Variants in CCDC148 observed in about 807,000 individuals in gnomAD.
The protein encoded by CCDC148 is coiled-coil domain-containing protein 148.
Under a neutral mutation model 85.7 loss-of-function variants are expected in CCDC148, and 89 were observed. The ratio of observed to expected loss-of-function variants is 1.04; its 90% CI spans 0.87 to 1.24. The LOEUF is 1.24. Among genes scored for constraint, CCDC148 ranks in the 50% most tolerant of loss-of-function variants. CCDC148 has a pLI of 0.00. For synonymous variants in CCDC148, 230 were observed against 213.9 expected (o/e 1.08, Z -0.66); for missense variants, 692 against 671.7 (o/e 1.03, Z -0.33).
intron 1 of CCDC148, among the ~76,000 whole-genome samples, chr2:158,367,558 C>A (rs13006365): frequency 0.033 from 4,977 of 152,214 alleles, 120 homozygotes; most frequent in Non-Finnish European, 0.05. Context: ...ATTTTTTCCT[C>A]CTGGTTTTCA....
chr2:158,341,249 T>C (rs1179824499), intron 3 of CCDC148, among the ~76,000 whole-genome samples: 3 of 151,986 alleles, frequency 2.0e-5, no homozygotes, highest in Admixed American at 2.0e-4. Flanking sequence ...TGTATGTATA[T>C]ACTAATAAGA....
intron 10 of CCDC148, among the ~76,000 whole-genome samples, chr2:158,245,754 C>T (rs1688545785): frequency 6.6e-6 from 1 of 152,094 alleles, no homozygotes; most frequent in Admixed American, 6.6e-5. Flanking sequence ...TATATAAGGT[C>T]CATCTAGCAA....
At chr2:158,200,533 GC>G (rs371470310) in intron 11 of CCDC148, among the ~76,000 whole-genome samples, 7 of 152,268 alleles carry the variant, frequency 4.6e-5, no homozygotes, top group African/African-American at 1.7e-4. Context: ...AGACAGGATG[GC>G]CCACGCAGCC....
intron 2 of CCDC148, among the ~76,000 whole-genome samples, chr2:158,350,944 T>G (rs1683235064): frequency 6.6e-6 from 1 of 152,134 alleles, no homozygotes; most frequent in Non-Finnish European, 1.5e-5. Flanking sequence ...ACCTCACTGT[T>G]ACTCATCCTC....
intron 1 of CCDC148, among the ~76,000 whole-genome samples, chr2:158,370,892 A>T (rs1559105105): frequency 6.6e-6 from 1 of 151,586 alleles, no homozygotes; most frequent in Non-Finnish European, 1.5e-5. Flanking sequence ...ATTACGGGAA[A>T]TTAAAAAAAA....
intron 11 of CCDC148, among the ~76,000 whole-genome samples, chr2:158,215,308 A>G (rs1002030596): frequency 1.3e-5 from 2 of 152,174 alleles, no homozygotes; most frequent in Non-Finnish European, 2.9e-5. Context: ...AATATATACT[A>G]TTTTAAAAGA....
intron 9 of CCDC148, among the ~76,000 whole-genome samples, chr2:158,283,217 G>A (rs1177065979): frequency 1.3e-5 from 2 of 152,186 alleles, no homozygotes; most frequent in Non-Finnish European, 2.9e-5. Context: ...ACACAGGCAT[G>A]GGCAAGGACT....
intron 1 of CCDC148, among the ~76,000 whole-genome samples, chr2:158,370,219 C>T (rs927974738): frequency 6.6e-6 from 1 of 152,026 alleles, no homozygotes; most frequent in Admixed American, 6.6e-5. Flanking sequence ...ATGCAGCAAA[C>T]CATACGTGCA....
At chr2:158,185,551 C>T (rs556928143) in intron 11 of CCDC148, among the ~76,000 whole-genome samples, 1 of 152,182 alleles carries the variant, frequency 6.6e-6, no homozygotes, top group East Asian at 1.9e-4. Flanking sequence ...TCTAAGCCTG[C>T]TGTTTGAGTT....
intron 9 of CCDC148, among the ~76,000 whole-genome samples, chr2:158,279,568 T>G (rs1407862027): frequency 2.6e-5 from 4 of 151,934 alleles, no homozygotes; most frequent in East Asian, 1.9e-4. Flanking sequence ...AGAAGGTAAG[T>G]TTAGAGAAAA....
chr2:158,436,793 A>G (rs1370591249), intron 1 of CCDC148, among the ~76,000 whole-genome samples: 2 of 152,186 alleles, frequency 1.3e-5, no homozygotes, highest in Non-Finnish European at 2.9e-5. Flanking sequence ...GATAAAGGGG[A>G]TATCACCACT....
At chr2:158,307,648 G>A (rs571042353) in intron 9 of CCDC148, among the ~76,000 whole-genome samples, 14 of 152,132 alleles carry the variant, frequency 9.2e-5, no homozygotes, top group East Asian at 1.9e-4. Context: ...ACCTGAAAAC[G>A]GCTCAAATTT....
Position 158,310,501 on chromosome 2 carries a change from G to A in CCDC148, c.904-862C>T, listed in dbSNP as rs543023440. On this transcript the variant is annotated intron_variant, in intron 8 of 13. Coordinates refer to ENST00000283233, the MANE Select transcript of CCDC148 (RefSeq NM_138803.4). ...TCCTCACTTCCCAGACGTGACGGCT[G>A]GGCAGAGGGGCCCCCCACCCCCCAG... Among the ~76,000 whole-genome samples the A allele has an allele frequency of 2.1e-4, 32 of 151,000 alleles. No homozygotes were observed. In the South Asian group the frequency reaches 6.4e-3, roughly 30 times the overall value.
chr2:158,270,344 C>G (rs4664945), intron 9 of CCDC148, among the ~76,000 whole-genome samples: 1 of 152,112 alleles, frequency 6.6e-6, no homozygotes, highest in Admixed American at 6.6e-5. Context: ...TATTACTCTG[C>G]ACAAGGATTC....
chr2:158,177,212 C>T (rs1684634176), intron 12 of CCDC148, among the ~76,000 whole-genome samples: 2 of 151,590 alleles, frequency 1.3e-5, no homozygotes, highest in African/African-American at 2.4e-5. Context: ...TGCTATAAAC[C>T]ATTGTCCTCC....
At chr2:158,341,373 C>T (rs1682687422) in intron 3 of CCDC148, among the ~76,000 whole-genome samples, 1 of 149,506 alleles carries the variant, frequency 6.7e-6, no homozygotes, top group South Asian at 2.1e-4. Flanking sequence ...GTGGCACAAT[C>T]TCAGTTCACT....
At chr2:158,396,578 C>T (rs918558928) in intron 1 of CCDC148, among the ~76,000 whole-genome samples, 1 of 152,066 alleles carries the variant, frequency 6.6e-6, no homozygotes, top group Non-Finnish European at 1.5e-5. Context: ...GAAATTAAAC[C>T]TGGCTTTGAA....
At chr2:158,365,915 T>G in intron 1 of CCDC148, 1 of 804,518 alleles carries the variant, frequency 1.2e-6, no homozygotes. Context: ...AGCTTTCCAT[T>G]ATTAAAATTT....
chr2:158,239,889 T>C (rs1574469305), intron 10 of CCDC148, among the ~76,000 whole-genome samples: 2 of 105,590 alleles, frequency 1.9e-5, no homozygotes, highest in African/African-American at 5.4e-5. Context: ...ACCAATTAGG[T>C]TTTTTTTTTC....
Sources: allele counts gnomAD v4.1 joint callset (sites outside exome capture counted in the v4.1 genomes callset), GRCh38; gene constraint gnomAD v4.1.1; transcripts MANE v1.5; gene names NCBI Gene and HGNC (gene_info 2026-07-23, HGNC 2026-07-21).